LYPLAL1: variants seen among roughly 807,000 people sequenced by gnomAD.
The protein encoded by LYPLAL1 is lysophospholipase-like protein 1.
A neutral mutation model predicts 19.7 loss-of-function variants in LYPLAL1; 23 were observed. That is an observed-to-expected ratio of 1.17 (90% CI 0.84 to 1.65). LYPLAL1 has a LOEUF of 1.65. LYPLAL1 is among the 40% of genes most tolerant of loss of function. LYPLAL1 has a pLI of 0.00. For synonymous variants in LYPLAL1, 119 were observed against 96.3 expected (o/e 1.24, Z -1.38); for missense variants, 355 against 279.4 (o/e 1.27, Z -1.93).
chr1:219,196,700 A>T (rs1657630539), intron 3 of LYPLAL1, among the ~76,000 whole-genome samples: 1 of 152,204 alleles, frequency 6.6e-6, no homozygotes, highest in South Asian at 2.1e-4. Flanking sequence ...GAAGAGAAGA[A>T]GTCAAACTGT....
the LYPLAL1 span, among the ~76,000 whole-genome samples, chr1:219,444,194 G>T: frequency 2.0e-5 from 3 of 152,146 alleles, no homozygotes; most frequent in African/African-American, 7.2e-5. Context: ...GTTCCCTTAG[G>T]TATAATGAAT....
chr1:219,302,698 AAG>A, the LYPLAL1 span, among the ~76,000 whole-genome samples: 1 of 152,176 alleles, frequency 6.6e-6, no homozygotes, highest in Non-Finnish European at 1.5e-5. Context: ...GGTTCTCATT[AAG>A]AGTTAGTTTC....
intron 3 of LYPLAL1, among the ~76,000 whole-genome samples, chr1:219,204,358 A>T (rs1658369767): frequency 6.6e-6 from 1 of 152,222 alleles, no homozygotes; most frequent in African/African-American, 2.4e-5. Flanking sequence ...CTTTATTAAC[A>T]TATTAACAGT....
chr1:219,375,632 A>G, the LYPLAL1 span, among the ~76,000 whole-genome samples: 1 of 152,160 alleles, frequency 6.6e-6, no homozygotes, highest in African/African-American at 2.4e-5. Flanking sequence ...TTTTTTACAG[A>G]TACATAAACA....
At chr1:219,413,069 T>C in the LYPLAL1 span, among the ~76,000 whole-genome samples, 3 of 152,124 alleles carry the variant, frequency 2.0e-5, no homozygotes, top group Non-Finnish European at 4.4e-5. Flanking sequence ...ATTAACTACT[T>C]AGAGATACTA....
the LYPLAL1 span, among the ~76,000 whole-genome samples, chr1:219,348,089 C>T: frequency 6.6e-6 from 1 of 152,200 alleles, no homozygotes; most frequent in Admixed American, 6.5e-5. Flanking sequence ...GCTAACCTGG[C>T]CAAGTCAGCA....
chr1:219,327,908 C>T, the LYPLAL1 span, among the ~76,000 whole-genome samples: 1 of 152,170 alleles, frequency 6.6e-6, no homozygotes, highest in African/African-American at 2.4e-5. Context: ...GTCCATTAAA[C>T]CTCTTTCCTT....
At chr1:219,280,330 A>G in the LYPLAL1 span, among the ~76,000 whole-genome samples, 2 of 152,200 alleles carry the variant, frequency 1.3e-5, no homozygotes, top group African/African-American at 4.8e-5. Flanking sequence ...AAAATACTTG[A>G]GTTGGAATAG....
At chr1:219,306,234 A>G in the LYPLAL1 span, among the ~76,000 whole-genome samples, 1 of 152,216 alleles carries the variant, frequency 6.6e-6, no homozygotes, top group Non-Finnish European at 1.5e-5. Flanking sequence ...TGGTTTCCTA[A>G]TGCTGTCAGA....
chr1:219,307,007 G>GAT, the LYPLAL1 span, among the ~76,000 whole-genome samples: 47,793 of 143,424 alleles, frequency 0.33, 8,192 homozygotes, highest in East Asian at 0.61. Context: ...TATTCCAAAT[G>GAT]ATATATATAC....
chr1:219,348,061 G>T, the LYPLAL1 span, among the ~76,000 whole-genome samples: 1 of 152,248 alleles, frequency 6.6e-6, no homozygotes, highest in African/African-American at 2.4e-5. Context: ...TGCTTCCTGT[G>T]ATCCAGCAGT....
At chr1:219,372,534 A>C in the LYPLAL1 span, among the ~76,000 whole-genome samples, 355 of 152,312 alleles carry the variant, frequency 2.3e-3, 3 homozygotes, top group African/African-American at 7.3e-3. Context: ...GAATTCTGAG[A>C]TAACAAAAAA....
At chr1:219,327,619 A>G in the LYPLAL1 span, among the ~76,000 whole-genome samples, 1 of 152,194 alleles carries the variant, frequency 6.6e-6, no homozygotes, top group Non-Finnish European at 1.5e-5. Flanking sequence ...CCCTATAATC[A>G]TTCCCTAGGA....
the LYPLAL1 span, among the ~76,000 whole-genome samples, chr1:219,389,354 G>C: frequency 1.3e-5 from 2 of 152,146 alleles, no homozygotes; most frequent in Non-Finnish European, 2.9e-5. Context: ...TGAGGAAATG[G>C]CCAGGAAAAG....
At chr1:219,266,879 T>A in the LYPLAL1 span, among the ~76,000 whole-genome samples, 1 of 152,186 alleles carries the variant, frequency 6.6e-6, no homozygotes, top group Non-Finnish European at 1.5e-5. Context: ...TCCCCAAAAT[T>A]ATGTTTTCCC....
chr1:219,198,265 G>T (rs1297887043), intron 3 of LYPLAL1, among the ~76,000 whole-genome samples: 10 of 151,748 alleles, frequency 6.6e-5, no homozygotes, highest in Non-Finnish European at 1.5e-4. Flanking sequence ...GAAATGACCA[G>T]TCAATTATAG....
the LYPLAL1 span, among the ~76,000 whole-genome samples, chr1:219,321,127 G>A: frequency 6.6e-6 from 1 of 152,070 alleles, no homozygotes; most frequent in Admixed American, 6.5e-5. Context: ...TTTAATGATT[G>A]CCACTCTAAC....
the LYPLAL1 span, among the ~76,000 whole-genome samples, chr1:219,444,454 T>C: frequency 6.6e-6 from 1 of 152,206 alleles, no homozygotes; most frequent in Admixed American, 6.5e-5. Flanking sequence ...CACAATCATC[T>C]AAGCTGCCTT....
intron 2 of LYPLAL1, among the ~76,000 whole-genome samples, chr1:219,181,319 ACCT>A (rs1656259069): frequency 6.6e-6 from 1 of 152,098 alleles, no homozygotes; most frequent in South Asian, 2.1e-4. Flanking sequence ...GTGCTTCATA[ACCT>A]TATGTGGTTA....
Sources: gnomAD v4.1 joint callset for allele counts (sites outside exome capture counted in the v4.1 genomes callset) on GRCh38, gnomAD v4.1.1 for gene constraint, MANE v1.5 for transcripts, NCBI Gene and HGNC (gene_info 2026-07-23, HGNC 2026-07-21) for gene names.